ANO1: variants seen among roughly 807,000 people sequenced by gnomAD.
The protein encoded by ANO1 is anoctamin-1.
ANO1 carries 59 observed loss-of-function variants against 124.0 expected under a neutral mutation model. The ratio of observed to expected loss-of-function variants is 0.48; its 90% CI spans 0.39 to 0.59. The LOEUF is 0.59. Ranked by LOEUF, ANO1 falls within the 20% of genes least tolerant of loss-of-function variation. ANO1 has a pLI of 0.00. For missense variants in ANO1, 1,059 were observed against 1,328.0 expected (o/e 0.80, Z 3.15); for synonymous variants, 529 against 532.0 (o/e 0.99, Z 0.08).
intron 1 of ANO1, among the ~76,000 whole-genome samples, chr11:69,987,093 C>T (rs529699260): frequency 1.3e-5 from 2 of 152,158 alleles, no homozygotes; most frequent in Non-Finnish European, 2.9e-5. Flanking sequence ...GCCTTTCAAA[C>T]AGCCGGGTCT....
intron 2 of ANO1, 57 bp from the exon 3 acceptor site, chr11:70,103,009 G>T (rs913188046): frequency 1.5e-5 from 19 of 1,278,360 alleles, no homozygotes; most frequent in Non-Finnish European, 2.1e-5. Flanking sequence ...GATCAAGGTG[G>T]TTTTCCACAG....
At chr11:69,982,289 A>G (rs1383743393), upstream of ANO1, among the ~76,000 whole-genome samples, 1 of 152,160 alleles carries the variant, frequency 6.6e-6, no homozygotes, top group Non-Finnish European at 1.5e-5. Context: ...AACCTGCTAC[A>G]CTGGGCTGCT....
intron 1 of ANO1, among the ~76,000 whole-genome samples, chr11:70,005,176 C>A (rs1856463971): frequency 6.6e-6 from 1 of 151,752 alleles, no homozygotes; most frequent in African/African-American, 2.4e-5. Flanking sequence ...AATGTCACCA[C>A]TGGCTACTGA....
chr11:70,039,877 G>C (rs990279848), intron 1 of ANO1, among the ~76,000 whole-genome samples: 1 of 152,156 alleles, frequency 6.6e-6, no homozygotes, highest in African/African-American at 2.4e-5. Flanking sequence ...CCACAAGGTG[G>C]GGGTGCAACT....
rs75508433 is a variant in ANO1, at chr11:70,169,422, G to A, written c.2198-1465G>A. On this transcript the variant is annotated intron_variant, in intron 21 of 25. Transcript: ENST00000355303. ...AGATGTGGATAGATGGGGAGAACAA[G>A]CTCATCTGGAAATGCCCCACCTCCC... Among the ~76,000 whole-genome samples, 1,473 of 151,956 alleles carry A rather than the reference G, an allele frequency of 9.7e-3. 30 individuals are homozygous for A. Among genetic ancestry groups the A allele is most frequent in the African/African-American group, 0.035 (1,426 of 41,316 alleles).
intron 7 of ANO1, among the ~76,000 whole-genome samples, chr11:70,114,085 C>T (rs2045889288): frequency 6.6e-6 from 1 of 152,210 alleles, no homozygotes; most frequent in Non-Finnish European, 1.5e-5. Flanking sequence ...GAGAGCCAGC[C>T]TCACAAGAAG....
chr11:70,168,786 G>A (rs1294678417), intron 21 of ANO1, among the ~76,000 whole-genome samples: 2 of 152,150 alleles, frequency 1.3e-5, no homozygotes, highest in Non-Finnish European at 2.9e-5. Flanking sequence ...AGGGTGGGGA[G>A]CGTTTCTGTT....
chr11:70,138,462 C>T (rs1448916768), intron 11 of ANO1, among the ~76,000 whole-genome samples: 9 of 150,524 alleles, frequency 6.0e-5, no homozygotes, highest in Admixed American at 2.0e-4. Flanking sequence ...GCCAAGATCA[C>T]GCCATTGCAC....
intron 7 of ANO1, among the ~76,000 whole-genome samples, chr11:70,114,672 G>A (rs909740283): frequency 6.6e-6 from 1 of 152,192 alleles, no homozygotes; most frequent in African/African-American, 2.4e-5. Context: ...GCCAAGACGG[G>A]TAGATCACCT....
At chr11:70,012,148 A>G (rs1856608141) in intron 1 of ANO1, among the ~76,000 whole-genome samples, 1 of 152,140 alleles carries the variant, frequency 6.6e-6, no homozygotes, top group Non-Finnish European at 1.5e-5. Context: ...TCTTTCATCC[A>G]TCCATCCATC....
intron 1 of ANO1, 46 bp downstream of exon 1, chr11:70,078,760 C>G: frequency 7.6e-7 from 1 of 1,308,784 alleles, no homozygotes; most frequent in Non-Finnish European, 1.0e-6. Flanking sequence ...CGCGCACCTG[C>G]GCCTTGGCGA....
At chr11:70,002,543 T>C (rs1267771941) in intron 1 of ANO1, among the ~76,000 whole-genome samples, 2 of 151,806 alleles carry the variant, frequency 1.3e-5, no homozygotes, top group African/African-American at 4.8e-5. Context: ...TGTGAAGGTT[T>C]GTAGCCTAGG....
chr11:70,096,181 A>G (rs1461435304), intron 2 of ANO1, among the ~76,000 whole-genome samples: 1 of 152,190 alleles, frequency 6.6e-6, no homozygotes, highest in East Asian at 1.9e-4. Flanking sequence ...CCTCTGATAA[A>G]GGTGACCTTG....
At chr11:70,085,478 G>C (rs1328601416) in intron 1 of ANO1, 2 of 1,536,044 alleles carry the variant, frequency 1.3e-6, no homozygotes, top group Non-Finnish European at 1.7e-6. Flanking sequence ...TTACTGTAGA[G>C]AGAAGTCAGT....
intron 1 of ANO1, among the ~76,000 whole-genome samples, chr11:70,006,055 G>A (rs1554999981): frequency 6.6e-6 from 1 of 152,150 alleles, no homozygotes; most frequent in African/African-American, 2.4e-5. Context: ...CAATGACCAC[G>A]TTTGTGGGAA....
chr11:70,007,508 C>G (rs1555000291), intron 1 of ANO1, among the ~76,000 whole-genome samples: 1 of 152,090 alleles, frequency 6.6e-6, no homozygotes, highest in East Asian at 1.9e-4. Context: ...GATCTCCTGA[C>G]CTCGTGATCC....
At chr11:69,992,165 T>C (rs1856167361) in intron 1 of ANO1, among the ~76,000 whole-genome samples, 1 of 151,882 alleles carries the variant, frequency 6.6e-6, no homozygotes, top group Admixed American at 6.6e-5. Context: ...GGTGGGTAGA[T>C]GAATGGATGA....
intron 22 of ANO1, among the ~76,000 whole-genome samples, chr11:70,179,653 A>G (rs1318931270): frequency 2.0e-5 from 3 of 152,206 alleles, no homozygotes. Flanking sequence ...TAGGAGCTGC[A>G]CCCCAATTGA....
At chr11:70,152,990 T>C in intron 13 of ANO1, 67 bp from the exon 14 acceptor site, 3 of 1,427,136 alleles carry the variant, frequency 2.1e-6, no homozygotes, top group Non-Finnish European at 2.9e-6. Context: ...TTGCCAAGTA[T>C]GCTCACGCTG....
Sources: gnomAD v4.1 joint callset for allele counts (sites outside exome capture counted in the v4.1 genomes callset) on GRCh38, gnomAD v4.1.1 for gene constraint, MANE v1.5 for transcripts, NCBI Gene and HGNC (gene_info 2026-07-23, HGNC 2026-07-21) for gene names.